The following B3GAT2 variants were observed in gnomAD, a reference collection of about 807,000 sequenced individuals.
B3GAT2 encodes galactosylgalactosylxylosylprotein 3-beta-glucuronosyltransferase 2.
B3GAT2 carries 26 observed loss-of-function variants against 27.8 expected under a neutral mutation model. The ratio of observed to expected loss-of-function variants is 0.93; its 90% CI spans 0.68 to 1.30. The LOEUF is 1.30. B3GAT2 is among the 50% of genes most tolerant of loss of function. The pLI is 0.00. For missense variants in B3GAT2, 458 were observed against 459.0 expected (o/e 1.00, Z 0.02); for synonymous variants, 218 against 195.1 (o/e 1.12, Z -0.98).
At chr6:70,923,295 G>C (rs1772901550) in intron 1 of B3GAT2, among the ~76,000 whole-genome samples, 1 of 152,124 alleles carries the variant, frequency 6.6e-6, no homozygotes, top group African/African-American at 2.4e-5. Flanking sequence ...CTGAAATAAG[G>C]GCTGCCCTTC....
chr6:70,885,784 A>G (rs901421566), intron 2 of B3GAT2, among the ~76,000 whole-genome samples: 2 of 152,210 alleles, frequency 1.3e-5, no homozygotes, highest in African/African-American at 4.8e-5. Context: ...ATCTACAGGT[A>G]TTAGGAAGAA....
chr6:70,868,382 TC>T lies in B3GAT2; in HGVS notation c.737-6405del, dbSNP rs1296462978. Among the ~76,000 whole-genome samples, 5 of 152,198 alleles carry T rather than the reference TC, an allele frequency of 3.3e-5. No homozygotes were observed. In the East Asian group the frequency reaches 9.6e-4, roughly 29 times the overall value. On this transcript the variant is annotated intron_variant, in intron 2 of 3. Coordinates refer to ENST00000230053, the MANE Select transcript of B3GAT2 (RefSeq NM_080742.3). ...AGAAGTACAGCAAGCCTCCTCTTCT[TC>T]CTTCAGCCACAGTTAACAGTATCAA...
At chr6:70,883,491 C>T (rs1772131594) in intron 2 of B3GAT2, among the ~76,000 whole-genome samples, 3 of 149,058 alleles carry the variant, frequency 2.0e-5, no homozygotes, top group African/African-American at 7.4e-5. Flanking sequence ...AAATATGATT[C>T]CACTTATATG....
At chr6:70,921,075 G>A (rs551980725) in intron 1 of B3GAT2, among the ~76,000 whole-genome samples, 78 of 152,194 alleles carry the variant, frequency 5.1e-4, no homozygotes, top group African/African-American at 8.9e-4. Flanking sequence ...TGATGTTGAC[G>A]TTGGAGAATC....
At chr6:70,881,838 C>T (rs1035036933) in intron 2 of B3GAT2, among the ~76,000 whole-genome samples, 14 of 152,250 alleles carry the variant, frequency 9.2e-5, no homozygotes, top group African/African-American at 3.1e-4. Context: ...TCATATGATC[C>T]CCCTCCTCTG....
chr6:70,856,801 T>G lies in B3GAT2; in HGVS notation c.*4862A>C, dbSNP rs1181312760. On this transcript the variant is annotated 3_prime_UTR_variant, in exon 4 of 4. Transcript: ENST00000230053. ...ATAACTTTATTTGGATTTTAAGTAA[T>G]GGATAAGCTGCGCTTTACTATGCAG... is the stretch of plus-strand genomic sequence containing the variant. 6.8e-7 allele frequency: 1 copy of G among 1,465,068 alleles called. No individual in the cohort carries two copies. Among genetic ancestry groups the G allele is most frequent in the East Asian group, 2.3e-5 (1 of 43,388 alleles). The allele number at this position is 1,465,068 out of a possible 1,614,324, so 90.8% of individuals were successfully genotyped here.
At chr6:70,868,979 TTTATA>T (rs1771894222) in intron 2 of B3GAT2, among the ~76,000 whole-genome samples, 1 of 152,168 alleles carries the variant, frequency 6.6e-6, no homozygotes, top group Admixed American at 6.5e-5. Context: ...AACTTGTCCT[TTTATA>T]TGGTATGATT....
Position 70,956,208 on chromosome 6 carries a change from C to G in B3GAT2, c.222G>C (p.Gln74His). Residue 74 changes from glutamine (Q) to histidine (H), a missense_variant, in exon 1 of 4, where the codon CAG becomes CAC. Physicochemically the swap from Gln to His is conservative, Grantham distance 24. Coordinates refer to ENST00000230053, the MANE Select transcript of B3GAT2 (RefSeq NM_080742.3). ...QKRNQSRPQP[Q>H]PEPQLPTIYA... ...AGATGGTGGGCAGCTGCGGCTCCGG[C>G]TGTGGCTGCGGCCGAGACTGGTTGC... is the stretch of plus-strand genomic sequence containing the variant. 1.9e-6 allele frequency: 3 copies of G among 1,612,242 alleles called. No homozygotes were observed. The East Asian group carries it at 6.7e-5, about 36-fold the overall frequency.
chr6:70,952,366 G>A (rs1342733981), intron 1 of B3GAT2, among the ~76,000 whole-genome samples: 1 of 149,530 alleles, frequency 6.7e-6, no homozygotes, highest in East Asian at 1.9e-4. Context: ...TTTTTTTTTA[G>A]TATTTCAATT....
chr6:70,879,659 G>A (rs887874027), intron 2 of B3GAT2, among the ~76,000 whole-genome samples: 10 of 152,142 alleles, frequency 6.6e-5, no homozygotes, highest in Non-Finnish European at 1.3e-4. Flanking sequence ...GTGCACACAC[G>A]GTGGTGAGTG....
At chr6:70,869,795 G>A (rs1771905079) in intron 2 of B3GAT2, among the ~76,000 whole-genome samples, 2 of 152,138 alleles carry the variant, frequency 1.3e-5, no homozygotes, top group Non-Finnish European at 2.9e-5. Context: ...AGTTGTGTGT[G>A]TTCATCACTG....
intron 1 of B3GAT2, among the ~76,000 whole-genome samples, chr6:70,910,825 T>G (rs1310376968): frequency 6.6e-6 from 1 of 152,210 alleles, no homozygotes; most frequent in Non-Finnish European, 1.5e-5. Context: ...CTCCATAACC[T>G]CGTCAACATC....
Position 70,857,240 on chromosome 6 carries a change from TAAC to T in B3GAT2, c.*4420_*4422del, listed in dbSNP as rs1771465393. ...GGATTCACAGAACTTTATTTGGAAT[TAAC>T]AAGCTGTTCATAGATCACTAAATGT... On this transcript the variant is annotated 3_prime_UTR_variant, in exon 4 of 4. Transcript: ENST00000230053. 1.5e-5 allele frequency: 6 copies of T among 412,228 alleles called. No individual in the cohort carries two copies. Among genetic ancestry groups the T allele is most frequent in the Non-Finnish European group, 2.6e-5 (6 of 235,054 alleles). The allele number at this position is 412,228 out of a possible 1,614,324, so 25.5% of individuals were successfully genotyped here.
intron 2 of B3GAT2, among the ~76,000 whole-genome samples, chr6:70,867,207 C>A (rs1392157447): frequency 9.2e-5 from 14 of 151,970 alleles, no homozygotes; most frequent in Admixed American, 9.2e-4. Context: ...AAACATTAAG[C>A]ACTTACTGGA....
intron 1 of B3GAT2, among the ~76,000 whole-genome samples, chr6:70,941,175 ACCT>A (rs1265014383): frequency 6.6e-6 from 1 of 151,886 alleles, no homozygotes; most frequent in Non-Finnish European, 1.5e-5. Flanking sequence ...AAGTGCCTTT[ACCT>A]CCTCCTCCCC....
Position 70,857,783 on chromosome 6 carries a change from C to CT in B3GAT2, c.*3879dup. 1.2e-6 allele frequency: 1 copy of CT among 851,538 alleles called. No individual in the cohort carries two copies. The allele number at this position is 851,538 out of a possible 1,614,324, so 52.7% of individuals were successfully genotyped here. A position where few individuals can be genotyped will look rare whatever the true frequency, so the allele number is the denominator to read the frequency against. On this transcript the variant is annotated 3_prime_UTR_variant, in exon 4 of 4. Coordinates refer to ENST00000230053, the MANE Select transcript of B3GAT2 (RefSeq NM_080742.3). ...TCTCAGGGTTTAGGTGTGGGTTGGT[C>CT]TGAGTAGTAGGAGCAGCCAAACTGG...
chr6:70,925,683 C>A (rs1159905994), intron 1 of B3GAT2, among the ~76,000 whole-genome samples: 1 of 152,248 alleles, frequency 6.6e-6, no homozygotes, highest in Non-Finnish European at 1.5e-5. Context: ...AGAGCTCAAC[C>A]AGGCCTGCCT....
chr6:70,898,869 G>A (rs556554648), intron 1 of B3GAT2, among the ~76,000 whole-genome samples: 14 of 152,106 alleles, frequency 9.2e-5, no homozygotes, highest in Admixed American at 4.6e-4. Context: ...AGGCTGAGGC[G>A]GGAGGATTGC....
Position 70,956,564 on chromosome 6 carries a change from G to T in B3GAT2, c.-135C>A. 3 of 1,472,210 alleles carry T rather than the reference G, an allele frequency of 2.0e-6. No individual in the cohort carries two copies. Among genetic ancestry groups the T allele is most frequent in the Middle Eastern group, 2.5e-4 (1 of 4,022 alleles). The allele number at this position is 1,472,210 out of a possible 1,614,324, so 91.2% of individuals were successfully genotyped here. On this transcript the variant is annotated 5_prime_UTR_variant, in exon 1 of 4. Coordinates refer to ENST00000230053, the MANE Select transcript of B3GAT2 (RefSeq NM_080742.3). Reference sequence around the variant, plus strand: ...CGCTGTCCATGGGGCCGAGGGCGCTGCAGAGACCTGGAGCCGCGGGGCTCA... The same window carrying T: ...CGCTGTCCATGGGGCCGAGGGCGCTTCAGAGACCTGGAGCCGCGGGGCTCA...
Sources: gnomAD v4.1 joint callset for allele counts (sites outside exome capture counted in the v4.1 genomes callset) on GRCh38, gnomAD v4.1.1 for gene constraint, MANE v1.5 for transcripts, NCBI Gene and HGNC (gene_info 2026-07-23, HGNC 2026-07-21) for gene names.